The following C15orf39 variants were observed in gnomAD, a reference collection of about 807,000 sequenced individuals.
C15orf39 encodes uncharacterized protein C15orf39.
C15orf39 carries 24 observed loss-of-function variants against 53.9 expected under a neutral mutation model. That is an observed-to-expected ratio of 0.45 (90% confidence interval 0.32 to 0.63). C15orf39 has a LOEUF of 0.63. Among genes scored for constraint, C15orf39 ranks in the 20% least tolerant of loss-of-function variants. The probability of loss-of-function intolerance (pLI) is 0.04; values close to 1 mark genes in which losing one functional copy is unlikely to be tolerated. For missense variants in C15orf39, 1,271 were observed against 1,347.9 expected (o/e 0.94, Z 0.89); for synonymous variants, 569 against 576.5 (o/e 0.99, Z 0.19).
Position 75,206,177 on chromosome 15 carries a change from C to T in C15orf39, c.129C>T (p.Tyr43=). 2 of 1,614,088 alleles carry T rather than the reference C, an allele frequency of 1.2e-6. No homozygotes were observed. The highest frequency in any genetic ancestry group is 1.7e-6 in the Non-Finnish European group (2 of 1,179,968). ...TTGGTAACCAGGATCCCTGCACCTA[C>T]AAGGGGTCCTACTTCTCCTGCCCCA... ...HSVGNQDPCT[Y]KGSYFSCPMA... The change falls in exon 2 of 3, where the codon TAC becomes TAT. Residue 43 remains tyrosine (Y), a synonymous_variant. Transcript: ENST00000394987.
chr15:75,208,136 A>G lies in C15orf39; in HGVS notation c.2088A>G (p.Gln696=). 3 of 1,613,998 alleles carry G rather than the reference A, an allele frequency of 1.9e-6. No homozygotes were observed. Among genetic ancestry groups the G allele is most frequent in the South Asian group, 2.2e-5 (2 of 91,066 alleles). Residue 696 remains glutamine (Q), a synonymous_variant, in exon 2 of 3, where the codon CAA becomes CAG. Transcript: ENST00000394987. ...CCATTGGACTGCGGATTCTCGCTCAACAGCCCTTGTCTGTGACCTGCTTCA... is the reference window on the plus strand; with the variant it reads ...CCATTGGACTGCGGATTCTCGCTCAGCAGCCCTTGTCTGTGACCTGCTTCA... ...SGPIGLRILA[Q]QPLSVTCFSL...
At position 75,210,843 on chromosome 15, in the gene C15orf39, G is replaced by C. The variant is rs775810587; in HGVS notation, c.2871G>C (p.Pro957=). The C allele has an allele frequency of 2.5e-6, 4 of 1,613,816 alleles. No homozygotes were observed. Among genetic ancestry groups the C allele is most frequent in the Admixed American group, 1.7e-5 (1 of 60,006 alleles). ...GCCTAGCCCTGGCTCAGAAGTCACC[G>C]GCCCCCAAGGTCAGGAAGCCAGGCA... ...PESLALAQKS[P]APKVRKPGRK... is the part of the protein sequence containing the mutation. Residue 957 remains proline, a synonymous_variant, in exon 3 of 3, where the codon CCG becomes CCC. Transcript: ENST00000394987.
At chr15:75,200,801 G>A (rs2070395897), upstream of C15orf39, among the ~76,000 whole-genome samples, 1 of 151,592 alleles carries the variant, frequency 6.6e-6, no homozygotes, top group South Asian at 2.1e-4. Context: ...AGCTCTAAAT[G>A]AAGTGACACT....
rs1330384569 is a variant in C15orf39, at chr15:75,207,531, C to T, written c.1483C>T (p.Pro495Ser). ...SLPQKEGARP[P>S]SSPPMPVIDN... ...TCCACAGAAGGAGGGCGCAAGGCCA[C>T]CCAGCTCTCCACCAATGCCTGTCAT... The change falls in exon 2 of 3, where the codon CCC (proline) becomes TCC (serine). Residue 495 changes from proline to serine, a missense_variant. Around this residue, in one of 2 missense-constraint regions of C15orf39, gnomAD observed 994 missense variants for 993.7 expected, o/e 1.00. Coordinates refer to ENST00000394987, the MANE Select transcript of C15orf39 (RefSeq NM_015492.5). 3 of 1,613,536 alleles carry T rather than the reference C, an allele frequency of 1.9e-6. No individual in the cohort carries two copies. The highest frequency in any genetic ancestry group is 4.5e-5 in the East Asian group (2 of 44,880).
chr15:75,208,894 G>C (rs1173679289), intron 2 of C15orf39, 70 bp downstream of exon 2: 1 of 1,522,288 alleles, frequency 6.6e-7, no homozygotes, highest in African/African-American at 1.4e-5. Flanking sequence ...TGCTGTGTGA[G>C]TGCGTCACAG....
At position 75,208,843 on chromosome 15, in the gene C15orf39, CAGTGGCCACCGG is replaced by C. The variant is rs1221545262; in HGVS notation, c.2776+22_2776+33del. 6.4e-7 allele frequency: 1 copy of C among 1,570,364 alleles called. No homozygotes were observed. The highest frequency in any genetic ancestry group is 8.6e-7 in the Non-Finnish European group (1 of 1,159,278). On this transcript the variant is annotated intron_variant, in intron 2 of 2. Coordinates refer to ENST00000394987, the MANE Select transcript of C15orf39 (RefSeq NM_015492.5). Reference sequence around the variant, plus strand: ...CAGCTGGGTGAGCATGGGGCAGCCCCAGTGGCCACCGGAGCTGTGTGAGCAAGTGACAGGTGT... The same window carrying C: ...CAGCTGGGTGAGCATGGGGCAGCCCCAGCTGTGTGAGCAAGTGACAGGTGT...
At chr15:75,201,479 G>A (rs766933843), upstream of C15orf39, among the ~76,000 whole-genome samples, 51 of 152,338 alleles carry the variant, frequency 3.3e-4, no homozygotes, top group Middle Eastern at 0.01. The surrounding 1 kb of genome is among the most constrained non-coding windows in gnomAD (Gnocchi z 4.7). Flanking sequence ...GGGGAATGCC[G>A]GCACCTACTG....
Position 75,207,863 on chromosome 15 carries a change from G to A in C15orf39, c.1815G>A (p.Val605=), listed in dbSNP as rs759848753. Residue 605 remains valine, a synonymous_variant, in exon 2 of 3, where the codon GTG becomes GTA. Coordinates refer to ENST00000394987, the MANE Select transcript of C15orf39 (RefSeq NM_015492.5). The stretch of plus-strand genomic sequence containing the variant: ...CCAAGCCTACTGCAGCCATGGATGT[G>A]CCAGATGTGGGCAACATGGTGTCAG... ...EHAKPTAAMD[V]PDVGNMVSDL... is the part of the protein sequence containing the mutation. 1.2e-6 allele frequency: 2 copies of A among 1,613,556 alleles called. No homozygotes were observed. The highest frequency in any genetic ancestry group is 1.7e-6 in the Non-Finnish European group (2 of 1,179,960).
chr15:75,205,773 G>C (rs576043008), intron 1 of C15orf39, among the ~76,000 whole-genome samples: 1 of 152,124 alleles, frequency 6.6e-6, no homozygotes, highest in Non-Finnish European at 1.5e-5. Flanking sequence ...CCAAGTTCAT[G>C]TCATTGCACT....
rs1048377305 is a variant in C15orf39, at chr15:75,201,891, C to G, written c.-219C>G. 1.3e-5 allele frequency: 2 copies of G among 151,958 alleles called. No homozygotes were observed. The highest frequency in any genetic ancestry group is 4.1e-4 in the South Asian group (2 of 4,836). The allele number at this position is 151,958 out of a possible 1,614,324, so 9.4% of individuals were successfully genotyped here. A position where few individuals can be genotyped will look rare whatever the true frequency, so the allele number is the denominator to read the frequency against. ...CCCCGCCCGGGACCGCAGACGGCGC[C>G]CAGCGGCGGCGCGAACGGCAGCTAG... On this transcript the variant is annotated 5_prime_UTR_variant, in exon 1 of 3. Coordinates refer to ENST00000394987, the MANE Select transcript of C15orf39 (RefSeq NM_015492.5). The surrounding 1 kb of genome is among the most constrained non-coding windows in gnomAD (Gnocchi z 4.7).
chr15:75,208,663 A>T lies in C15orf39; in HGVS notation c.2615A>T (p.Glu872Val), dbSNP rs765106513. 1 of 1,606,666 alleles carries T rather than the reference A, an allele frequency of 6.2e-7. No individual in the cohort carries two copies. The highest frequency in any genetic ancestry group is 2.2e-5 in the East Asian group (1 of 44,712). ...CATGTGCTGCAGGAGCATCGTGTGG[A>T]GCTGCGGCCCACCACGCTGTCGGAG... is the stretch of plus-strand genomic sequence containing the variant. ...VDHVLQEHRV[E>V]LRPTTLSEER... is the part of the protein sequence containing the mutation. Residue 872 changes from glutamate to valine, a missense_variant, in exon 2 of 3, where the codon GAG becomes GTG. This residue lies in a region of C15orf39 where 277 missense variants were observed against 354.1 expected (regional missense o/e 0.78). Coordinates refer to ENST00000394987, the MANE Select transcript of C15orf39 (RefSeq NM_015492.5).
chr15:75,207,621 A>G lies in C15orf39; in HGVS notation c.1573A>G (p.Thr525Ala), dbSNP rs749856902. 3.5e-5 allele frequency: 57 copies of G among 1,613,006 alleles called. No individual in the cohort carries two copies. In the Admixed American group the frequency reaches 4.0e-4, roughly 11 times the overall value. ...GGATGTGCCGGCACCCGAGGCCACA[A>G]CTGAGCCTGACTCTGCCACAGCTGA... ...YLDVPAPEATTEPDSATAEPD... is the reference protein window; with the variant it reads ...YLDVPAPEATAEPDSATAEPD... The change falls in exon 2 of 3, where the codon ACT (threonine) becomes GCT (alanine). Residue 525 changes from threonine (T) to alanine (A), a missense_variant. By Grantham distance (58) the Thr-to-Ala change is moderately conservative. Around this residue, in one of 2 missense-constraint regions of C15orf39, gnomAD observed 994 missense variants for 993.7 expected, o/e 1.00. Transcript: ENST00000394987.
At chr15:75,200,352 C>G (rs1290773294), upstream of C15orf39, among the ~76,000 whole-genome samples, 1 of 152,204 alleles carries the variant, frequency 6.6e-6, no homozygotes, top group Non-Finnish European at 1.5e-5. Flanking sequence ...TCATCCTGGC[C>G]TGGTTGGGTC....
chr15:75,206,178 A>G lies in C15orf39; in HGVS notation c.130A>G (p.Lys44Glu). 1 of 1,614,046 alleles carries G rather than the reference A, an allele frequency of 6.2e-7. No individual in the cohort carries two copies. Among genetic ancestry groups the G allele is most frequent in the Non-Finnish European group, 8.5e-7 (1 of 1,179,962 alleles). The change falls in exon 2 of 3, where the codon AAG becomes GAG. Residue 44 changes from lysine to glutamate, a missense_variant. Physicochemically the swap from Lys to Glu is moderately conservative, Grantham distance 56. Around this residue, in one of 2 missense-constraint regions of C15orf39, gnomAD observed 994 missense variants for 993.7 expected, o/e 1.00. Coordinates refer to ENST00000394987, the MANE Select transcript of C15orf39 (RefSeq NM_015492.5). ...TGGTAACCAGGATCCCTGCACCTAC[A>G]AGGGGTCCTACTTCTCCTGCCCCAT... The part of the protein sequence containing the change: ...SVGNQDPCTY[K>E]GSYFSCPMAG...
rs750626591 is a variant in C15orf39, at chr15:75,206,221, C to G, written c.173C>G (p.Ala58Gly). Residue 58 changes from alanine (A) to glycine (G), a missense_variant, in exon 2 of 3, where the codon GCC becomes GGC. Ala to Gly is a moderately conservative substitution (Grantham distance 60). This residue lies in a region of C15orf39 where 994 missense variants were observed against 993.7 expected (regional missense o/e 1.00). Coordinates refer to ENST00000394987, the MANE Select transcript of C15orf39 (RefSeq NM_015492.5). ...TGCCCCATGGCAGGTACTCCTAAGG[C>G]CGAGTCTGAGCAGTTGGCGTCCTGG... ...FSCPMAGTPK[A>G]ESEQLASWTP... The G allele has an allele frequency of 6.2e-7, 1 of 1,614,124 alleles. No individual in the cohort carries two copies. Among genetic ancestry groups the G allele is most frequent in the Non-Finnish European group, 8.5e-7 (1 of 1,179,980 alleles).
chr15:75,206,558 T>C lies in C15orf39; in HGVS notation c.510T>C (p.Ala170=). 1 of 1,613,912 alleles carries C rather than the reference T, an allele frequency of 6.2e-7. No homozygotes were observed. The highest frequency in any genetic ancestry group is 8.5e-7 in the Non-Finnish European group (1 of 1,179,926). ...CGACTGGGCCCCTGTTGCCCTCAGC[T>C]GACCCACCCTGCTCTCTGGCCCCAG... The part of the protein sequence containing the change: ...TLATGPLLPS[A]DPPCSLAPAP... The change falls in exon 2 of 3, where the codon GCT becomes GCC. Residue 170 remains alanine, a synonymous_variant. Transcript: ENST00000394987.
Position 75,207,269 on chromosome 15 carries a change from G to A in C15orf39, c.1221G>A (p.Val407=), listed in dbSNP as rs2070447393. ...TPPSQNNVRA[V]PQPGAFQRAC... ...CTTCCCAGAACAATGTGCGGGCTGT[G>A]CCACAGCCTGGTGCCTTCCAGAGGG... is the stretch of plus-strand genomic sequence containing the variant. The change falls in exon 2 of 3, where the codon GTG becomes GTA. Residue 407 remains valine, a synonymous_variant. Coordinates refer to ENST00000394987, the MANE Select transcript of C15orf39 (RefSeq NM_015492.5). 1 of 1,613,372 alleles carries A rather than the reference G, an allele frequency of 6.2e-7. No individual in the cohort carries two copies. The highest frequency in any genetic ancestry group is 8.5e-7 in the Non-Finnish European group (1 of 1,179,964).
rs1031646750 is a variant in C15orf39 at position 75,206,717 on chromosome 15, G to C, written c.669G>C (p.Thr223=). The C allele has an allele frequency of 3.7e-6, 6 of 1,613,652 alleles. No homozygotes were observed. The East Asian group carries it at 6.7e-5, about 18-fold the overall frequency. ...AGAAATATCAGACCATCCACAGCACGGGCTTCCTGGCCTCCAGGTACACAG... is the reference window on the plus strand; with the variant it reads ...AGAAATATCAGACCATCCACAGCACCGGCTTCCTGGCCTCCAGGTACACAG... The part of the protein sequence containing the change: ...FLEKYQTIHS[T]GFLASRYTGP... Residue 223 remains threonine, a synonymous_variant, in exon 2 of 3, where the codon ACG becomes ACC. Coordinates refer to ENST00000394987, the MANE Select transcript of C15orf39 (RefSeq NM_015492.5).
In C15orf39 at chr15:75,207,896, A is replaced by C. The variant is rs774191051; in HGVS notation, c.1848A>C (p.Pro616=). 3.1e-6 allele frequency: 5 copies of C among 1,613,570 alleles called. No individual in the cohort carries two copies. The South Asian group carries it at 5.5e-5, about 18-fold the overall frequency. Residue 616 remains proline (P), a synonymous_variant, in exon 2 of 3, where the codon CCA becomes CCC. Coordinates refer to ENST00000394987, the MANE Select transcript of C15orf39 (RefSeq NM_015492.5). Reference sequence around the variant, plus strand: ...TGGGCAACATGGTGTCAGATCTGCCAGGCCTGAAAAAGATAGACACAGAAG... The same window carrying C: ...TGGGCAACATGGTGTCAGATCTGCCCGGCCTGAAAAAGATAGACACAGAAG... The part of the protein sequence containing the change: ...PDVGNMVSDL[P]GLKKIDTEAP...
Sources: gnomAD v4.1 joint callset for allele counts (sites outside exome capture counted in the v4.1 genomes callset) on GRCh38, gnomAD v4.1.1 for gene constraint, gnomAD v4.1.1 regional missense constraint, Gnocchi (gnomAD v3.1) non-coding constraint, MANE v1.5 for transcripts, NCBI Gene and HGNC (gene_info 2026-07-23, HGNC 2026-07-21) for gene names.